PCDHA3: variants seen among roughly 807,000 people sequenced by gnomAD.
PCDHA3 encodes protocadherin alpha 3.
In PCDHA3, 41 loss-of-function variants were observed where a neutral mutation model predicts 62.2. The ratio of observed to expected loss-of-function variants is 0.66; its 90% confidence interval spans 0.51 to 0.86. PCDHA3 has a LOEUF of 0.86. Ranked by LOEUF, PCDHA3 falls within the 40% of genes least tolerant of loss-of-function variation. The probability of loss-of-function intolerance (pLI) is 0.00; values close to 1 mark genes in which losing one functional copy is unlikely to be tolerated. For missense variants in PCDHA3, 1,304 were observed against 1,241.2 expected (o/e 1.05, Z -0.76); for synonymous variants, 640 against 555.4 (o/e 1.15, Z -2.14).
intron 1 of PCDHA3, among the ~76,000 whole-genome samples, chr5:140,894,577 T>A (rs1409232453): frequency 4.6e-5 from 7 of 152,030 alleles, no homozygotes; most frequent in African/African-American, 9.6e-5. Flanking sequence ...TCCTTTTTTT[T>A]AATATTTTAC....
At chr5:140,809,054 C>T (rs1554124966) in intron 1 of PCDHA3, 2 of 1,613,890 alleles carry the variant, frequency 1.2e-6, no homozygotes, top group Non-Finnish European at 8.5e-7. Flanking sequence ...CATCCCGTTC[C>T]GCGTGGGGCT....
chr5:140,853,569 G>A lies in PCDHA3; in HGVS notation c.2394+49978G>A. On this transcript the variant is annotated intron_variant, in intron 1 of 3. Transcript: ENST00000522353. ...ATTACTATATAGGAAAAACTAAGTT[G>A]TCACCCAATATCTTAGACACTTTGA... 1.3e-5 allele frequency: 13 copies of A among 981,402 alleles called. 1 individual carries two copies. The highest frequency in any genetic ancestry group is 1.6e-5 in the Non-Finnish European group (13 of 813,896). 60.8% of individuals were successfully genotyped at this position (981,402 alleles called of 1,614,324 possible).
intron 1 of PCDHA3, among the ~76,000 whole-genome samples, chr5:140,976,461 G>A (rs935204153): frequency 1.3e-5 from 2 of 152,120 alleles, no homozygotes; most frequent in African/African-American, 4.8e-5. Flanking sequence ...TGGGGAAGAA[G>A]AATTGCTTGA....
At chr5:140,955,989 A>C (rs2095245782) in intron 1 of PCDHA3, among the ~76,000 whole-genome samples, 1 of 152,172 alleles carries the variant, frequency 6.6e-6, no homozygotes, top group Non-Finnish European at 1.5e-5. Flanking sequence ...ATTTTTGCAC[A>C]TTGATTTTGT....
Position 140,803,080 on chromosome 5 carries a change from C to T in PCDHA3, c.1883C>T (p.Thr628Met), listed in dbSNP as rs1763108368. The change falls in exon 1 of 4, where the codon ACG becomes ATG. Residue 628 changes from threonine (T) to methionine (M), a missense_variant. Coordinates refer to ENST00000522353, the MANE Select transcript of PCDHA3 (RefSeq NM_018906.3). The part of the protein sequence containing the change: ...ARIPFRVGLY[T>M]GEISTTRALD... The stretch of plus-strand genomic sequence containing the variant: ...ATCCCGTTTCGCGTGGGGCTGTACA[C>T]GGGAGAGATCAGCACGACCCGTGCC... 6.2e-7 allele frequency: 1 copy of T among 1,613,930 alleles called. No individual in the cohort carries two copies. The highest frequency in any genetic ancestry group is 8.5e-7 in the Non-Finnish European group (1 of 1,179,948).
rs186566632 is a variant in PCDHA3, at chr5:140,947,652, T to C, written c.2395-31297T>C. 6.7e-3 allele frequency among the ~76,000 whole-genome samples: 1,010 copies of C among 151,752 alleles called. 2 individuals are homozygous for C. Among genetic ancestry groups the C allele is most frequent in the Non-Finnish European group, 0.01 (702 of 67,572 alleles). On this transcript the variant is annotated intron_variant, in intron 1 of 3. Transcript: ENST00000522353. ...ATCAGATCGTATGAACATATATACCTCCATTTACTTGGGTCTTTAAAAAAT... is the reference window on the plus strand; with the variant it reads ...ATCAGATCGTATGAACATATATACCCCCATTTACTTGGGTCTTTAAAAAAT...
chr5:140,808,677 G>A lies in PCDHA3; in HGVS notation c.2394+5086G>A, dbSNP rs146494318. The A allele has an allele frequency of 8.7e-6, 14 of 1,612,530 alleles. No homozygotes were observed. In the African/African-American group the frequency reaches 1.9e-4, roughly 22 times the overall value. On this transcript the variant is annotated intron_variant, in intron 1 of 3. Transcript: ENST00000522353. Reference sequence around the variant, plus strand: ...CTGGTGTCCTACTCGCTGGTAGAGCGGCGGGTAGGGGAGCGCGCGCTGTCG... The same window carrying A: ...CTGGTGTCCTACTCGCTGGTAGAGCAGCGGGTAGGGGAGCGCGCGCTGTCG...
At position 140,941,221 on chromosome 5, in the gene PCDHA3, T is replaced by TTC. The variant is rs1217645089; in HGVS notation, c.2395-37726_2395-37725dup. Among the ~76,000 whole-genome samples the TTC allele has an allele frequency of 5.2e-4, 68 of 131,640 alleles. 1 individual carries two copies. Among genetic ancestry groups the TTC allele is most frequent in the African/African-American group, 2.0e-3 (67 of 33,088 alleles). 86.4% of individuals were successfully genotyped at this position (131,640 alleles called of 152,430 possible). A position where few individuals can be genotyped will look rare whatever the true frequency, so the allele number is the denominator to read the frequency against. Reference sequence around the variant, plus strand: ...TTTCTTCCTTTCTTTCTTCCTTTCTTTCTTTCTTTCTTTCTTTCTTTCTTT... The same window carrying TTC: ...TTTCTTCCTTTCTTTCTTCCTTTCTTTCTCTTTCTTTCTTTCTTTCTTTCTTT... On this transcript the variant is annotated intron_variant, in intron 1 of 3. Transcript: ENST00000522353.
intron 1 of PCDHA3, chr5:140,811,439 T>G (rs1325760038): frequency 6.6e-6 from 1 of 152,240 alleles, no homozygotes; most frequent in Non-Finnish European, 1.5e-5. Context: ...TCCAAGTCTT[T>G]GCTATTGTGA....
rs2150124281 is a variant in PCDHA3, at chr5:140,823,276, C to T, written c.2394+19685C>T. The T allele has an allele frequency of 1.9e-6, 3 of 1,612,052 alleles. No individual in the cohort carries two copies. Among genetic ancestry groups the T allele is most frequent in the Non-Finnish European group, 2.5e-6 (3 of 1,179,752 alleles). ...GCTGGTGGAGCGGCGGGTGGGCGAGCGCCCGCTGTCGAGTTACGTTTCGGT... is the reference window on the plus strand; with the variant it reads ...GCTGGTGGAGCGGCGGGTGGGCGAGTGCCCGCTGTCGAGTTACGTTTCGGT... On this transcript the variant is annotated intron_variant, in intron 1 of 3. Transcript: ENST00000522353.
intron 1 of PCDHA3, chr5:140,863,371 C>A: frequency 2.6e-6 from 3 of 1,169,148 alleles, no homozygotes; most frequent in Non-Finnish European, 3.7e-6. Context: ...CTTGGCGCAG[C>A]TCACCGAGAG....
At chr5:140,876,686 A>G (rs1554168790) in intron 1 of PCDHA3, 1 of 1,613,822 alleles carries the variant, frequency 6.2e-7, no homozygotes, top group Admixed American at 1.7e-5. Context: ...AAGAATTACT[A>G]CTCGTTGGTG....
intron 1 of PCDHA3, chr5:140,870,539 G>C (rs367673976): frequency 1.2e-5 from 20 of 1,614,040 alleles, no homozygotes; most frequent in Admixed American, 1.7e-5. Context: ...GTGTCGGCGC[G>C]GGACGCGGAC....
intron 3 of PCDHA3, among the ~76,000 whole-genome samples, chr5:140,982,908 C>A (rs1554244948): frequency 2.0e-5 from 3 of 151,668 alleles, no homozygotes; most frequent in Non-Finnish European, 2.9e-5. Flanking sequence ...GCCTTATGCA[C>A]AGAGATGACA....
At chr5:140,841,405 C>A (rs2150314710) in intron 1 of PCDHA3, 18 of 1,613,112 alleles carry the variant, frequency 1.1e-5, no homozygotes, top group South Asian at 4.4e-5. Flanking sequence ...AGGTGGGGAG[C>A]GGCCAGCTCC....
intron 1 of PCDHA3, among the ~76,000 whole-genome samples, chr5:140,956,723 A>G (rs536528599): frequency 6.6e-6 from 1 of 152,166 alleles, no homozygotes; most frequent in Non-Finnish European, 1.5e-5. Context: ...AAGAATTGGT[A>G]CCAGCTCCTC....
intron 3 of PCDHA3, 24 bp from the exon 4 acceptor site, chr5:141,009,603 G>A (rs1554262223): frequency 1.2e-6 from 2 of 1,608,568 alleles, no homozygotes; most frequent in African/African-American, 2.7e-5. Context: ...CCCTGTTAAT[G>A]ATTTGTAATG....
chr5:140,940,413 A>G (rs2092607327), intron 1 of PCDHA3, among the ~76,000 whole-genome samples: 1 of 152,166 alleles, frequency 6.6e-6, no homozygotes, highest in East Asian at 1.9e-4. Context: ...TTTAAAAATT[A>G]TAATTATTAC....
chr5:140,834,823 C>T, intron 1 of PCDHA3: 1 of 1,612,142 alleles, frequency 6.2e-7, no homozygotes, highest in South Asian at 1.1e-5. Flanking sequence ...GAATCCAGGC[C>T]GCTTGACTCT....
Sources: allele counts gnomAD v4.1 joint callset (sites outside exome capture counted in the v4.1 genomes callset), GRCh38; gene constraint gnomAD v4.1.1; transcripts MANE v1.5; gene names NCBI Gene and HGNC (gene_info 2026-07-23, HGNC 2026-07-21).